Variants in KIAA1217 observed in about 807,000 individuals in gnomAD.
KIAA1217 encodes sickle tail protein homolog.
A neutral mutation model predicts 163.9 loss-of-function variants in KIAA1217; 88 were observed. The ratio of observed to expected loss-of-function variants is 0.54; its 90% confidence interval spans 0.45 to 0.64. The LOEUF is 0.64. Ranked by LOEUF, KIAA1217 falls within the 30% of genes least tolerant of loss-of-function variation. The pLI is 0.00. For synonymous variants in KIAA1217, 903 were observed against 923.1 expected (o/e 0.98, Z 0.39); for missense variants, 2,372 against 2,475.0 (o/e 0.96, Z 0.88).
At chr10:24,468,591 G>A (rs751095124) in intron 5 of KIAA1217, among the ~76,000 whole-genome samples, 2 of 152,062 alleles carry the variant, frequency 1.3e-5, no homozygotes, top group Non-Finnish European at 2.9e-5. Flanking sequence ...TGACTCTTTC[G>A]GTGACCCTTT....
At chr10:23,705,849 G>T (rs987414599) in intron 1 of KIAA1217, among the ~76,000 whole-genome samples, 18 of 152,138 alleles carry the variant, frequency 1.2e-4, no homozygotes, top group Non-Finnish European at 2.1e-4. Flanking sequence ...GATCAATTTG[G>T]GAAGTAATGT....
intron 1 of KIAA1217, among the ~76,000 whole-genome samples, chr10:23,859,544 A>G (rs1839859686): frequency 6.6e-6 from 1 of 152,232 alleles, no homozygotes; most frequent in Admixed American, 6.5e-5. Flanking sequence ...GGGACACCCA[A>G]GGGATTACCA....
At chr10:23,853,285 T>C (rs1173213448) in intron 1 of KIAA1217, among the ~76,000 whole-genome samples, 3 of 152,210 alleles carry the variant, frequency 2.0e-5, no homozygotes, top group Non-Finnish European at 2.9e-5. Flanking sequence ...GCGGTTTTTG[T>C]CTTTGGTTCT....
chr10:24,525,034 C>G (rs1235097132), intron 13 of KIAA1217, among the ~76,000 whole-genome samples: 1 of 108,474 alleles, frequency 9.2e-6, no homozygotes, highest in Admixed American at 9.7e-5. Flanking sequence ...CAGCAGTGTG[C>G]TGGTAAATGT....
Position 24,544,661 on chromosome 10 carries a change from A to G in KIAA1217, c.5211+180A>G, listed in dbSNP as rs543772662. On this transcript the variant is annotated intron_variant, in intron 19 of 20. Coordinates refer to ENST00000376454, the MANE Select transcript of KIAA1217 (RefSeq NM_019590.5). ...CTCCCTCACCTTCCAAACAACAACA[A>G]CTAGGTATCTAACAGCTAATCAGTT... Among the ~76,000 whole-genome samples the G allele has an allele frequency of 3.9e-5, 6 of 151,990 alleles. No individual in the cohort carries two copies. The South Asian group carries it at 6.2e-4, about 16-fold the overall frequency.
At chr10:24,437,676 C>T (rs1044851513) in intron 4 of KIAA1217, among the ~76,000 whole-genome samples, 3 of 152,076 alleles carry the variant, frequency 2.0e-5, no homozygotes, top group East Asian at 1.9e-4. Context: ...TCTTTTGCTA[C>T]GTTATGACAC....
At chr10:23,813,587 A>G (rs1837176370) in intron 1 of KIAA1217, among the ~76,000 whole-genome samples, 5 of 152,156 alleles carry the variant, frequency 3.3e-5, no homozygotes, top group African/African-American at 1.2e-4. Context: ...AAATCCTACT[A>G]TGTAATTTAT....
intron 2 of KIAA1217, among the ~76,000 whole-genome samples, chr10:24,234,946 A>G (rs1043619935): frequency 2.6e-5 from 4 of 152,232 alleles, no homozygotes; most frequent in Non-Finnish European, 5.9e-5. Context: ...AGTGAAAATG[A>G]CTGTTAGACA....
intron 9 of KIAA1217, among the ~76,000 whole-genome samples, chr10:24,512,396 C>T (rs771017833): frequency 2.0e-5 from 3 of 152,076 alleles, no homozygotes; most frequent in Admixed American, 1.3e-4. Flanking sequence ...TGAATTCACT[C>T]GATGGAGCTG....
At chr10:24,304,565 C>T (rs933412000) in intron 2 of KIAA1217, among the ~76,000 whole-genome samples, 3 of 152,074 alleles carry the variant, frequency 2.0e-5, no homozygotes, top group African/African-American at 7.3e-5. Flanking sequence ...TGGTCTTGAA[C>T]TCCTGGCCTC....
rs566977569 is a variant in KIAA1217 at position 23,941,097 on chromosome 10, C to T, written c.-320-66128C>T. 6.6e-5 allele frequency among the ~76,000 whole-genome samples: 10 copies of T among 152,318 alleles called. No individual in the cohort carries two copies. In the South Asian group the frequency reaches 1.2e-3, roughly 19 times the overall value. On this transcript the variant is annotated intron_variant, in intron 1 of 18. Coordinates refer to the KIAA1217 transcript ENST00000376462. ...AGGTAAAGCATAGGACATTACATTA[C>T]TTACTTAGGCATGGGCAAAGCTTTC...
At chr10:24,151,467 G>T (rs1035979699) in intron 2 of KIAA1217, among the ~76,000 whole-genome samples, 11 of 143,542 alleles carry the variant, frequency 7.7e-5, no homozygotes, top group Non-Finnish European at 1.4e-4. Flanking sequence ...GTATGCATCG[G>T]GCATGGTTCA....
chr10:24,364,282 C>T (rs751649705), intron 2 of KIAA1217, among the ~76,000 whole-genome samples: 24 of 152,080 alleles, frequency 1.6e-4, no homozygotes, highest in Middle Eastern at 3.2e-3. Context: ...CCCAGCCACC[C>T]GCTCTTATTT....
rs1465642309 is a variant in KIAA1217 at position 23,807,962 on chromosome 10, A to G, written c.-321+112728A>G. ...GGAGTTAGAAAGGGCTGCCTTGTCAATTAAAAAGGAAACAGCAACTGCACA... is the reference window on the plus strand; with the variant it reads ...GGAGTTAGAAAGGGCTGCCTTGTCAGTTAAAAAGGAAACAGCAACTGCACA... On this transcript the variant is annotated intron_variant, in intron 1 of 18. Coordinates refer to the KIAA1217 transcript ENST00000376462. Among the ~76,000 whole-genome samples the G allele has an allele frequency of 2.6e-5, 4 of 152,356 alleles. No individual in the cohort carries two copies. In the East Asian group the frequency reaches 7.7e-4, roughly 29 times the overall value.
chr10:23,844,972 T>C (rs1838952111), intron 1 of KIAA1217, among the ~76,000 whole-genome samples: 1 of 152,118 alleles, frequency 6.6e-6, no homozygotes, highest in Non-Finnish European at 1.5e-5. Flanking sequence ...CACTTATGAG[T>C]GAGAACATGT....
chr10:23,933,240 G>T (rs1045088257), intron 1 of KIAA1217, among the ~76,000 whole-genome samples: 3 of 152,208 alleles, frequency 2.0e-5, no homozygotes, highest in African/African-American at 7.2e-5. Flanking sequence ...AGAGAGAAAT[G>T]AATAGAGTTT....
chr10:23,910,930 A>G (rs917924286), intron 1 of KIAA1217, among the ~76,000 whole-genome samples: 3 of 152,184 alleles, frequency 2.0e-5, no homozygotes, highest in Non-Finnish European at 4.4e-5. Flanking sequence ...GCACCCATTC[A>G]GGAGTAGAGT....
At position 24,515,538 on chromosome 10, in the gene KIAA1217, G is replaced by T. The variant is rs562665782; in HGVS notation, c.2177+2104G>T. ...ACATATCATAAGAGGGCTTTATCTG[G>T]TTGGATTTGTGGGAAGGCCACAGAT... On this transcript the variant is annotated intron_variant, in intron 10 of 20. Transcript: ENST00000376454. Among the ~76,000 whole-genome samples, 8 of 152,268 alleles carry T rather than the reference G, an allele frequency of 5.3e-5. No individual in the cohort carries two copies. The South Asian group carries it at 1.7e-3, about 32-fold the overall frequency.
intron 2 of KIAA1217, among the ~76,000 whole-genome samples, chr10:24,155,411 C>G (rs2064828944): frequency 6.6e-6 from 1 of 152,136 alleles, no homozygotes; most frequent in African/African-American, 2.4e-5. Flanking sequence ...ATATTATACA[C>G]AAGAAAACTG....
Sources: allele counts gnomAD v4.1 joint callset (sites outside exome capture counted in the v4.1 genomes callset), GRCh38; gene constraint gnomAD v4.1.1; transcripts MANE v1.5; gene names NCBI Gene and HGNC (gene_info 2026-07-23, HGNC 2026-07-21).